UBE2E2: variants seen among roughly 807,000 people sequenced by gnomAD.
UBE2E2 encodes the protein ubiquitin conjugating enzyme E2 E2.
A neutral mutation model predicts 24.7 loss-of-function variants in UBE2E2; 6 were observed. The ratio of observed to expected loss-of-function variants is 0.24; its 90% CI spans 0.13 to 0.48. The LOEUF (loss-of-function observed/expected upper bound fraction) is 0.48. Among genes scored for constraint, UBE2E2 ranks in the 20% least tolerant of loss-of-function variants. UBE2E2 has a pLI of 0.99. For missense variants in UBE2E2, 169 were observed against 245.0 expected (o/e 0.69, Z 2.07); for synonymous variants, 104 against 83.6 (o/e 1.24, Z -1.33).
At chr3:23,344,730 A>G (rs1257076112) in intron 3 of UBE2E2, among the ~76,000 whole-genome samples, 1 of 151,804 alleles carries the variant, frequency 6.6e-6, no homozygotes, top group Non-Finnish European at 1.5e-5. Flanking sequence ...ACACACACTA[A>G]GTGAGGTGGT....
chr3:23,277,751 C>G (rs1430904676), intron 3 of UBE2E2, among the ~76,000 whole-genome samples: 5 of 152,026 alleles, frequency 3.3e-5, no homozygotes, highest in African/African-American at 7.2e-5. Context: ...GTTCTGGGCT[C>G]TAAGGCTATG....
At position 23,590,193 on chromosome 3, in the gene UBE2E2, TTTG is replaced by T. The variant is rs967083361; in HGVS notation, c.*371_*373del. The T allele has an allele frequency of 3.3e-5, 6 of 184,192 alleles. No individual in the cohort carries two copies. The highest frequency in any genetic ancestry group is 7.0e-5 in the African/African-American group (3 of 42,694). 11.4% of individuals were successfully genotyped at this position (184,192 alleles called of 1,614,324 possible). A position where few individuals can be genotyped will look rare whatever the true frequency, so the allele number is the denominator to read the frequency against. On this transcript the variant is annotated 3_prime_UTR_variant, in exon 6 of 6. Transcript: ENST00000396703. The stretch of plus-strand genomic sequence containing the variant: ...TGTATTACTGTGTGGTTTTGTTTTT[TTTG>T]TTGTTGTTTATTTGATTTTGATTTT...
intron 4 of UBE2E2, among the ~76,000 whole-genome samples, chr3:23,515,178 C>G (rs1694701891): frequency 6.6e-6 from 1 of 150,972 alleles, no homozygotes; most frequent in African/African-American, 2.4e-5. Context: ...GAGAGAGATA[C>G]ATACATATGT....
chr3:23,457,546 G>T lies in UBE2E2; in HGVS notation c.228-42062G>T, dbSNP rs145836035. Reference sequence around the variant, plus strand: ...TTGCACTTTTTTTTGTTTTTTGGAGGTAGGGTCTTGCTCTGTCACCAAGGC... The same window carrying T: ...TTGCACTTTTTTTTGTTTTTTGGAGTTAGGGTCTTGCTCTGTCACCAAGGC... On this transcript the variant is annotated intron_variant, in intron 3 of 5. Coordinates refer to ENST00000396703, the MANE Select transcript of UBE2E2 (RefSeq NM_152653.4). Among the ~76,000 whole-genome samples, 582 of 152,160 alleles carry T rather than the reference G, an allele frequency of 3.8e-3. 3 individuals carry two copies. The highest frequency in any genetic ancestry group is 0.013 in the African/African-American group (543 of 41,528).
At chr3:23,549,086 C>T (rs187127402) in intron 5 of UBE2E2, among the ~76,000 whole-genome samples, 3 of 152,318 alleles carry the variant, frequency 2.0e-5, no homozygotes, top group Admixed American at 6.5e-5. Flanking sequence ...CTTTTTTTAA[C>T]CTACTTTGGA....
At chr3:23,564,648 A>G (rs1468609585) in intron 5 of UBE2E2, among the ~76,000 whole-genome samples, 2 of 152,116 alleles carry the variant, frequency 1.3e-5, no homozygotes, top group Non-Finnish European at 1.5e-5. Context: ...TTAAGTAAAT[A>G]TGATGTTGAG....
intron 3 of UBE2E2, among the ~76,000 whole-genome samples, chr3:23,366,806 T>G (rs963871579): frequency 6.6e-6 from 1 of 152,160 alleles, no homozygotes; most frequent in Non-Finnish European, 1.5e-5. Flanking sequence ...GGATCAGACA[T>G]TTAGAGTAAA....
At chr3:23,340,031 C>T (rs1032675432) in intron 3 of UBE2E2, among the ~76,000 whole-genome samples, 1 of 151,800 alleles carries the variant, frequency 6.6e-6, no homozygotes, top group African/African-American at 2.4e-5. Context: ...TTGTTAACTC[C>T]CATTTAATAC....
intron 4 of UBE2E2, among the ~76,000 whole-genome samples, chr3:23,517,979 T>A (rs1381644418): frequency 6.6e-6 from 1 of 152,208 alleles, no homozygotes; most frequent in Non-Finnish European, 1.5e-5. Flanking sequence ...TGGGAATTTT[T>A]TTTTTCACAC....
chr3:23,438,544 G>A (rs1257603778), intron 3 of UBE2E2, among the ~76,000 whole-genome samples: 2 of 152,208 alleles, frequency 1.3e-5, no homozygotes, highest in Non-Finnish European at 2.9e-5. Flanking sequence ...TAGTTGTACG[G>A]TTTTTGAGCT....
intron 3 of UBE2E2, among the ~76,000 whole-genome samples, chr3:23,357,224 G>A (rs1695981604): frequency 6.6e-6 from 1 of 152,162 alleles, no homozygotes. Flanking sequence ...CACCTTATTT[G>A]GGCAGTGTAA....
chr3:23,369,783 G>A (rs1458756304), intron 3 of UBE2E2, among the ~76,000 whole-genome samples: 1 of 152,100 alleles, frequency 6.6e-6, no homozygotes, highest in Non-Finnish European at 1.5e-5. Flanking sequence ...AATTTTGATT[G>A]CATCCAGTGA....
chr3:23,421,546 A>G (rs529869706), intron 3 of UBE2E2, among the ~76,000 whole-genome samples: 1 of 152,320 alleles, frequency 6.6e-6, no homozygotes, highest in African/African-American at 2.4e-5. Context: ...AGCTGAGATT[A>G]CAGGCACCTG....
chr3:23,294,588 AG>A (rs1019736763), intron 3 of UBE2E2, among the ~76,000 whole-genome samples: 9 of 147,974 alleles, frequency 6.1e-5, no homozygotes, highest in Admixed American at 6.1e-4. Context: ...TATCTTTATT[AG>A]TTTTTTTATT....
chr3:23,572,858 G>A (rs918525360), intron 5 of UBE2E2, among the ~76,000 whole-genome samples: 1 of 152,136 alleles, frequency 6.6e-6, no homozygotes, highest in African/African-American at 2.4e-5. Flanking sequence ...AAGTGCAAGT[G>A]TCTTTTTGGT....
At chr3:23,450,372 T>G (rs1206161268) in intron 3 of UBE2E2, among the ~76,000 whole-genome samples, 1 of 152,140 alleles carries the variant, frequency 6.6e-6, no homozygotes, top group Non-Finnish European at 1.5e-5. Flanking sequence ...CTGAAGAATT[T>G]AATTTTAATT....
intron 3 of UBE2E2, among the ~76,000 whole-genome samples, chr3:23,257,358 T>G (rs1697754820): frequency 6.6e-6 from 1 of 152,162 alleles, no homozygotes. Context: ...AACCAGGAAA[T>G]GAACTTTCCT....
intron 5 of UBE2E2, among the ~76,000 whole-genome samples, chr3:23,560,846 G>C (rs1452389054): frequency 1.3e-5 from 2 of 152,218 alleles, no homozygotes; most frequent in Non-Finnish European, 2.9e-5. Context: ...TCATGTGTCT[G>C]TTGGCTGCAT....
At chr3:23,409,880 C>A (rs1697458726) in intron 3 of UBE2E2, among the ~76,000 whole-genome samples, 1 of 152,166 alleles carries the variant, frequency 6.6e-6, no homozygotes, top group South Asian at 2.1e-4. Flanking sequence ...TGTCATCACA[C>A]AGCCTTTTTC....
Sources: gnomAD v4.1 joint callset for allele counts (sites outside exome capture counted in the v4.1 genomes callset) on GRCh38, gnomAD v4.1.1 for gene constraint, MANE v1.5 for transcripts, NCBI Gene and HGNC (gene_info 2026-07-23, HGNC 2026-07-21) for gene names.